Variants in GNG12 observed in about 807,000 individuals in gnomAD.
GNG12 encodes the protein G protein subunit gamma 12, also known as guanine nucleotide-binding protein G(I)/G(S)/G(O) subunit gamma-12.
For synonymous variants in GNG12, 28 were observed against 29.7 expected (o/e 0.94, Z 0.19); for missense variants, 69 against 83.8 (o/e 0.82, Z 0.69).
intron 2 of GNG12, among the ~76,000 whole-genome samples, chr1:67,720,903 A>G (rs1241797815): frequency 6.6e-6 from 1 of 152,176 alleles, no homozygotes; most frequent in African/African-American, 2.4e-5. Context: ...TATTATACAC[A>G]TTGCTCTGAA....
intron 1 of GNG12, among the ~76,000 whole-genome samples, chr1:67,825,300 C>T (rs1038376927): frequency 1.3e-5 from 2 of 152,190 alleles, no homozygotes; most frequent in African/African-American, 2.4e-5. Flanking sequence ...AAGGCATTCA[C>T]GTTTCTGCAT....
At chr1:67,745,592 T>C (rs1452394795) in intron 2 of GNG12, among the ~76,000 whole-genome samples, 1 of 152,158 alleles carries the variant, frequency 6.6e-6, no homozygotes, top group Non-Finnish European at 1.5e-5. Flanking sequence ...ATGGAGAAAA[T>C]GGTGTCCGTC....
chr1:67,761,169 T>C (rs1646601019), intron 2 of GNG12, among the ~76,000 whole-genome samples: 1 of 152,226 alleles, frequency 6.6e-6, no homozygotes, highest in Non-Finnish European at 1.5e-5. Context: ...ACCAAGAGTC[T>C]AGTGTTCCCT....
rs2100661193 is a variant in GNG12, at chr1:67,703,935, G to T, written c.*1516C>A. The T allele has an allele frequency of 6.6e-6, 1 of 152,140 alleles. No homozygotes were observed. The highest frequency in any genetic ancestry group is 1.9e-4 in the East Asian group (1 of 5,198). The allele number at this position is 152,140 out of a possible 1,614,324, so 9.4% of individuals were successfully genotyped here. A position where few individuals can be genotyped will look rare whatever the true frequency, so the allele number is the denominator to read the frequency against. ...TCCTGGGGTTGATTCCTTTTTGAGG[G>T]GAAGTTTTTAACCTTTCCTTAGTAG... On this transcript the variant is annotated 3_prime_UTR_variant, in exon 4 of 4. Transcript: ENST00000370982.
At chr1:67,723,080 T>C (rs1646365028) in intron 2 of GNG12, among the ~76,000 whole-genome samples, 1 of 152,184 alleles carries the variant, frequency 6.6e-6, no homozygotes, top group Non-Finnish European at 1.5e-5. Context: ...AGTTAGTGCA[T>C]GAGATTTCAA....
intron 2 of GNG12, among the ~76,000 whole-genome samples, chr1:67,718,953 T>C (rs2100685720): frequency 6.6e-6 from 1 of 152,348 alleles, no homozygotes; most frequent in African/African-American, 2.4e-5. Context: ...AATCCTCAAA[T>C]GGCCCTGTGA....
chr1:67,732,128 C>T (rs1458090323), intron 2 of GNG12, among the ~76,000 whole-genome samples: 1 of 152,132 alleles, frequency 6.6e-6, no homozygotes, highest in Non-Finnish European at 1.5e-5. Flanking sequence ...TATGTCTATG[C>T]CTAAGTGTTC....
intron 2 of GNG12, among the ~76,000 whole-genome samples, chr1:67,753,646 C>G (rs1206806366): frequency 6.6e-6 from 1 of 152,252 alleles, no homozygotes; most frequent in Non-Finnish European, 1.5e-5. Context: ...CCATGCTTCA[C>G]TGCTGGGTTT....
Position 67,705,476 on chromosome 1 carries a change from T to A in GNG12, c.194A>T (p.Asp65Val). Residue 65 changes from aspartate (D) to valine (V), a missense_variant, in exon 4 of 4, where the codon GAT becomes GTT. Physicochemically the swap from Asp to Val is radical, Grantham distance 152 (BLOSUM62 -3). Transcript: ENST00000370982. Reference protein sequence around the residue: ...GIPTSENPFKDKKTCIIL With the variant: ...GIPTSENPFKVKKTCIIL ...CTATAAGATGATGCAAGTTTTTTTA[T>A]CCTTGAAAGGGTTTTCTGAAGTTGG... The A allele has an allele frequency of 6.2e-7, 1 of 1,614,122 alleles. No individual in the cohort carries two copies. The highest frequency in any genetic ancestry group is 8.5e-7 in the Non-Finnish European group (1 of 1,179,994).
intron 1 of GNG12, among the ~76,000 whole-genome samples, chr1:67,813,893 A>C (rs1174185921): frequency 6.6e-6 from 1 of 152,074 alleles, no homozygotes; most frequent in Non-Finnish European, 1.5e-5. Context: ...GCATAGTTGT[A>C]AGTATTCATA....
intron 2 of GNG12, among the ~76,000 whole-genome samples, chr1:67,715,661 T>C (rs1311062728): frequency 6.6e-6 from 1 of 152,144 alleles, no homozygotes; most frequent in Non-Finnish European, 1.5e-5. Flanking sequence ...TGCAGTGGTG[T>C]CTTGGAGTTG....
intron 1 of GNG12, among the ~76,000 whole-genome samples, chr1:67,808,552 GA>G (rs1381424740): frequency 6.6e-6 from 1 of 151,994 alleles, no homozygotes; most frequent in Non-Finnish European, 1.5e-5. Flanking sequence ...TAAAAAATCT[GA>G]AAAAACTGAC....
At chr1:67,787,953 T>A (rs1242956438) in intron 1 of GNG12, among the ~76,000 whole-genome samples, 1 of 152,206 alleles carries the variant, frequency 6.6e-6, no homozygotes, top group Non-Finnish European at 1.5e-5. Context: ...CAAGCCAAGA[T>A]GGTTGGTCAG....
In GNG12 at chr1:67,712,405, C is replaced by A. The variant is rs182645290; in HGVS notation, c.-26-4693G>T. On this transcript the variant is annotated intron_variant, in intron 2 of 3. Coordinates refer to ENST00000370982, the MANE Select transcript of GNG12 (RefSeq NM_018841.6). ...TAGAAAATCTTGCTTCAAAAGTTAACCCAGGCTGGGCACGATGGCTCACAC... is the reference window on the plus strand; with the variant it reads ...TAGAAAATCTTGCTTCAAAAGTTAAACCAGGCTGGGCACGATGGCTCACAC... 2.9e-4 allele frequency among the ~76,000 whole-genome samples: 44 copies of A among 152,316 alleles called. No homozygotes were observed. In the East Asian group the frequency reaches 8.1e-3, roughly 28 times the overall value.
chr1:67,740,484 A>G (rs1377118313), intron 2 of GNG12, among the ~76,000 whole-genome samples: 1 of 152,252 alleles, frequency 6.6e-6, no homozygotes, highest in African/African-American at 2.4e-5. Context: ...CAGTTGTGAT[A>G]AAGACTGTGT....
At chr1:67,802,498 G>A (rs1646872215) in intron 1 of GNG12, among the ~76,000 whole-genome samples, 1 of 152,126 alleles carries the variant, frequency 6.6e-6, no homozygotes, top group African/African-American at 2.4e-5. Flanking sequence ...TGCATGCTCT[G>A]CTCTCACTGC....
intron 2 of GNG12, among the ~76,000 whole-genome samples, chr1:67,771,454 A>C (rs1240293769): frequency 2.0e-5 from 3 of 152,222 alleles, no homozygotes; most frequent in Non-Finnish European, 4.4e-5. Context: ...TCTATCTGTG[A>C]GCTCTTGTAT....
At chr1:67,741,257 G>C (rs1646481304) in intron 2 of GNG12, among the ~76,000 whole-genome samples, 1 of 152,228 alleles carries the variant, frequency 6.6e-6, no homozygotes, top group Non-Finnish European at 1.5e-5. Flanking sequence ...TGGCCTTTGG[G>C]AGAAATAAAC....
At chr1:67,804,645 T>C (rs1646884557) in intron 1 of GNG12, among the ~76,000 whole-genome samples, 2 of 152,060 alleles carry the variant, frequency 1.3e-5, no homozygotes, top group Admixed American at 1.3e-4. Flanking sequence ...GGCAAACCAC[T>C]GCCCCAAAAG....
Sources: gnomAD v4.1 joint callset for allele counts (sites outside exome capture counted in the v4.1 genomes callset) on GRCh38, gnomAD v4.1.1 for gene constraint, MANE v1.5 for transcripts, NCBI Gene and HGNC (gene_info 2026-07-23, HGNC 2026-07-21) for gene names.